The following RFC3 variants were observed in gnomAD, a reference collection of about 807,000 sequenced individuals.
RFC3 encodes the protein replication factor C subunit 3.
A neutral mutation model predicts 45.1 loss-of-function variants in RFC3; 41 were observed. The observed-to-expected ratio is 0.91, with a 90% CI of 0.71 to 1.18. RFC3 has a LOEUF of 1.18. Ranked by LOEUF, RFC3 falls within the 50% of genes most tolerant of loss-of-function variation. The pLI is 0.00. For synonymous variants in RFC3, 149 were observed against 144.0 expected, an observed-to-expected ratio of 1.03 and a Z score of -0.25; for missense variants, 423 against 428.1, an observed-to-expected ratio of 0.99 and a Z score of 0.10.
chr13:33,954,408 G>T (rs2083008549), intron 8 of RFC3, among the ~76,000 whole-genome samples: 1 of 152,146 alleles, frequency 6.6e-6, no homozygotes, highest in Non-Finnish European at 1.5e-5. Context: ...GGCAACAGAG[G>T]TCTTCCTTTA....
At chr13:33,925,590 T>A (rs1000931998) in intron 8 of RFC3, among the ~76,000 whole-genome samples, 1 of 150,380 alleles carries the variant, frequency 6.6e-6, no homozygotes, top group Non-Finnish European at 1.5e-5. Flanking sequence ...ATATATAGTG[T>A]ACTATATACA....
chr13:33,827,408 A>G (rs1391681976), intron 4 of RFC3, among the ~76,000 whole-genome samples: 1 of 152,254 alleles, frequency 6.6e-6, no homozygotes, highest in Non-Finnish European at 1.5e-5. Context: ...ATCACTATAC[A>G]AAATAATGAT....
intron 8 of RFC3, among the ~76,000 whole-genome samples, chr13:33,872,937 A>G (rs1377734044): frequency 6.6e-6 from 1 of 152,042 alleles, no homozygotes; most frequent in African/African-American, 2.4e-5. Flanking sequence ...TGTTTCCTCT[A>G]CATTCAGTGA....
chr13:33,924,545 C>A, intron 8 of RFC3, among the ~76,000 whole-genome samples: 1 of 150,632 alleles, frequency 6.6e-6, no homozygotes, highest in African/African-American at 2.4e-5. Flanking sequence ...CTGTTTGGCC[C>A]TATATATAAA....
chr13:33,836,688 T>A lies in RFC3; in HGVS notation c.*393T>A. ...TTTCTGCCACAGGTAACATGATTGT[T>A]TGACACACCATTATATTTAATTCTA... On this transcript the variant is annotated 3_prime_UTR_variant, in exon 9 of 9. Transcript: ENST00000380071. The A allele has an allele frequency of 1.0e-6, 1 of 988,300 alleles. No homozygotes were observed. Among genetic ancestry groups the A allele is most frequent in the Non-Finnish European group, 1.2e-6 (1 of 831,746 alleles). 61.2% of individuals were successfully genotyped at this position (988,300 alleles called of 1,614,324 possible).
intron 8 of RFC3, among the ~76,000 whole-genome samples, chr13:33,855,095 G>A (rs575244530): frequency 4.6e-5 from 7 of 152,026 alleles, no homozygotes; most frequent in African/African-American, 1.7e-4. Context: ...TATACAACAG[G>A]CAAGAAAAAA....
intron 7 of RFC3, among the ~76,000 whole-genome samples, chr13:33,831,637 A>G (rs985528299): frequency 6.9e-6 from 1 of 145,408 alleles, no homozygotes; most frequent in African/African-American, 2.7e-5. Flanking sequence ...ATCTCAGATT[A>G]CTTAACATTA....
At chr13:33,857,323 G>A (rs2082314259) in intron 8 of RFC3, among the ~76,000 whole-genome samples, 1 of 152,128 alleles carries the variant, frequency 6.6e-6, no homozygotes, top group Non-Finnish European at 1.5e-5. Context: ...TACATTTTCA[G>A]CTCTTCCTAC....
chr13:33,927,292 A>G (rs1332927590), intron 8 of RFC3, among the ~76,000 whole-genome samples: 2 of 151,992 alleles, frequency 1.3e-5, no homozygotes, highest in Non-Finnish European at 2.9e-5. Flanking sequence ...ATGGCCTCTC[A>G]TAAGTCCTAA....
At chr13:33,948,016 C>A (rs181529333) in intron 8 of RFC3, among the ~76,000 whole-genome samples, 2 of 152,166 alleles carry the variant, frequency 1.3e-5, no homozygotes, top group Non-Finnish European at 2.9e-5. Context: ...TGCAGAAATT[C>A]GCATAAGTAA....
At chr13:33,923,283 A>G (rs942620225) in intron 8 of RFC3, among the ~76,000 whole-genome samples, 14 of 152,126 alleles carry the variant, frequency 9.2e-5, no homozygotes, top group African/African-American at 3.4e-4. Flanking sequence ...GCTCCTAGAC[A>G]GACACCCTGA....
At chr13:33,939,924 G>C (rs1483097328) in intron 8 of RFC3, among the ~76,000 whole-genome samples, 1 of 152,076 alleles carries the variant, frequency 6.6e-6, no homozygotes, top group South Asian at 2.1e-4. Context: ...TGCTTCTTTT[G>C]TATATTTCTG....
chr13:33,968,601 G>T (rs1160783589), downstream of RFC3, among the ~76,000 whole-genome samples: 3 of 152,032 alleles, frequency 2.0e-5, no homozygotes, highest in African/African-American at 7.3e-5. Flanking sequence ...TTCCATGCAT[G>T]AAGTACTTAA....
intron 8 of RFC3, among the ~76,000 whole-genome samples, chr13:33,845,185 T>C (rs2082228420): frequency 6.6e-6 from 1 of 152,230 alleles, no homozygotes; most frequent in South Asian, 2.1e-4. Context: ...TTGTTTCTTT[T>C]CTGTTGCTGC....
intron 8 of RFC3, among the ~76,000 whole-genome samples, chr13:33,897,178 C>A (rs561091943): frequency 2.0e-4 from 30 of 152,020 alleles, no homozygotes; most frequent in African/African-American, 6.7e-4. Context: ...ACAAATATAT[C>A]AAAAACAATA....
chr13:33,910,719 A>G (rs2082698894), intron 8 of RFC3, among the ~76,000 whole-genome samples: 1 of 152,124 alleles, frequency 6.6e-6, no homozygotes, highest in African/African-American at 2.4e-5. Context: ...ACTGCTATAA[A>G]GAAATATGTG....
At position 33,823,898 on chromosome 13, in the gene RFC3, TC is replaced by T. The variant is rs764697323; in HGVS notation, c.226-18del. 6 of 1,350,958 alleles carry T rather than the reference TC, an allele frequency of 4.4e-6. No individual in the cohort carries two copies. Among genetic ancestry groups the T allele is most frequent in the Non-Finnish European group, 6.2e-6 (6 of 967,992 alleles). 83.7% of individuals were successfully genotyped at this position (1,350,958 alleles called of 1,614,324 possible). Reference sequence around the variant, plus strand: ...AGGCAATAAATAAATGTTAAAAATATCTTTTTCTTTGTCCACAGACTCCATC... The same window carrying T: ...AGGCAATAAATAAATGTTAAAAATATTTTTTCTTTGTCCACAGACTCCATC... On this transcript the variant is annotated intron_variant, in intron 2 of 8. Coordinates refer to ENST00000380071, the MANE Select transcript of RFC3 (RefSeq NM_002915.4).
chr13:33,932,722 A>G (rs532031245), intron 8 of RFC3, among the ~76,000 whole-genome samples: 135 of 152,306 alleles, frequency 8.9e-4, no homozygotes, highest in Non-Finnish European at 2.2e-4. Flanking sequence ...TGCATGGTCC[A>G]CATGCATAAA....
chr13:33,959,532 TCTC>T (rs1438230487), intron 8 of RFC3, among the ~76,000 whole-genome samples: 1 of 152,100 alleles, frequency 6.6e-6, no homozygotes, highest in Non-Finnish European at 1.5e-5. Context: ...TCATTCTCAA[TCTC>T]CTCACTCCCA....
Sources: gnomAD v4.1 joint callset for allele counts (sites outside exome capture counted in the v4.1 genomes callset) on GRCh38, gnomAD v4.1.1 for gene constraint, MANE v1.5 for transcripts, NCBI Gene and HGNC (gene_info 2026-07-23, HGNC 2026-07-21) for gene names.